UBP1: variants seen among roughly 807,000 people sequenced by gnomAD.
UBP1 encodes upstream binding protein 1.
In UBP1, 22 loss-of-function variants were observed where a neutral mutation model predicts 76.1. That is an observed-to-expected ratio of 0.29 (90% CI 0.21 to 0.41). The LOEUF (loss-of-function observed/expected upper bound fraction) is 0.41, where lower values mean the gene tolerates loss of function less well. Ranked by LOEUF, UBP1 falls within the 10% of genes least tolerant of loss-of-function variation. UBP1 has a pLI of 1.00. For synonymous variants in UBP1, 224 were observed against 237.1 expected, an observed-to-expected ratio of 0.94 and a Z score of 0.51; for missense variants, 436 against 668.1, an observed-to-expected ratio of 0.65 and a Z score of 3.83.
In UBP1 at chr3:33,400,178, C is replaced by A. The variant is rs765382594; in HGVS notation, c.1180+11G>T. The A allele has an allele frequency of 6.5e-7, 1 of 1,549,084 alleles. No individual in the cohort carries two copies. Among genetic ancestry groups the A allele is most frequent in the Non-Finnish European group, 8.7e-7 (1 of 1,144,268 alleles). On this transcript the variant is annotated intron_variant, in intron 11 of 15. Transcript: ENST00000283629. ...ATTCTCATGCACAGATACACACACA[C>A]ATACACATACCTGAAAAATTAGAGA...
At chr3:33,396,703 A>C in intron 12 of UBP1, 1 of 497,216 alleles carries the variant, frequency 2.0e-6, no homozygotes, top group Non-Finnish European at 3.9e-6. Flanking sequence ...ACTGTTTAGT[A>C]ATAGTCATGA....
At chr3:33,392,821 G>A (rs1372973816) in intron 14 of UBP1, 1 of 483,152 alleles carries the variant, frequency 2.1e-6, no homozygotes, top group African/African-American at 2.0e-5. Context: ...GTCCCTGAGA[G>A]ACCTGGTCAG....
At chr3:33,419,224 G>A (rs149241137) in intron 2 of UBP1, among the ~76,000 whole-genome samples, 2 of 152,248 alleles carry the variant, frequency 1.3e-5, no homozygotes, top group African/African-American at 4.8e-5. Context: ...GCCAAGTGGA[G>A]TGGCTCACAC....
At chr3:33,402,764 A>T in intron 9 of UBP1, 37 bp downstream of exon 9, 1 of 1,408,300 alleles carries the variant, frequency 7.1e-7, no homozygotes, top group Non-Finnish European at 9.5e-7. Flanking sequence ...CATGAGCATT[A>T]GTTAGCTGCA....
intron 3 of UBP1, 99 bp downstream of exon 3, chr3:33,416,659 G>A (rs1368361125): frequency 2.0e-5 from 18 of 914,722 alleles, no homozygotes; most frequent in Non-Finnish European, 3.3e-6. Context: ...TTAAAAAGTT[G>A]TAATACAACA....
intron 2 of UBP1, among the ~76,000 whole-genome samples, chr3:33,418,011 T>TAAAAAACA: frequency 6.6e-6 from 1 of 152,276 alleles, no homozygotes; most frequent in Middle Eastern, 3.4e-3. Context: ...AAAAAACACC[T>TAAAAAACA]GTATGGGAAG....
At chr3:33,432,746 A>G (rs1032626478) in intron 1 of UBP1, among the ~76,000 whole-genome samples, 15 of 152,366 alleles carry the variant, frequency 9.8e-5, no homozygotes, top group Middle Eastern at 3.4e-3. Flanking sequence ...ACTAAATGCA[A>G]TACAGAATCC....
At chr3:33,416,957 G>C in intron 2 of UBP1, 123 bp from the exon 3 acceptor site, 1 of 791,922 alleles carries the variant, frequency 1.3e-6, no homozygotes, top group Non-Finnish European at 2.0e-6. Flanking sequence ...AATTTGCTAC[G>C]GAAGCAAATT....
intron 1 of UBP1, among the ~76,000 whole-genome samples, chr3:33,429,899 A>G (rs2045084877): frequency 6.6e-6 from 1 of 152,190 alleles, no homozygotes; most frequent in Non-Finnish European, 1.5e-5. Context: ...ATGTGAATGT[A>G]CTGATTTTCA....
chr3:33,417,000 C>G (rs1456380392), intron 2 of UBP1, among the ~76,000 whole-genome samples, 166 bp from the exon 3 acceptor site: 1 of 152,208 alleles, frequency 6.6e-6, no homozygotes, highest in Non-Finnish European at 1.5e-5. Flanking sequence ...GAAAATCACA[C>G]CAACCTTCTG....
At chr3:33,402,443 G>A (rs2044263775) in intron 9 of UBP1, among the ~76,000 whole-genome samples, 1 of 152,158 alleles carries the variant, frequency 6.6e-6, no homozygotes, top group African/African-American at 2.4e-5. Context: ...AAGCATTACA[G>A]ACAAGTGAAT....
At chr3:33,422,178 G>A (rs1281221716) in intron 2 of UBP1, among the ~76,000 whole-genome samples, 1 of 152,194 alleles carries the variant, frequency 6.6e-6, no homozygotes, top group Non-Finnish European at 1.5e-5. Flanking sequence ...TAGACAAAGA[G>A]GTAGGGTGAA....
Position 33,390,027 on chromosome 3 carries a change from G to T in UBP1, c.*304C>A. 1 of 352,766 alleles carries T rather than the reference G, an allele frequency of 2.8e-6. No individual in the cohort carries two copies. Among genetic ancestry groups the T allele is most frequent in the Non-Finnish European group, 5.2e-6 (1 of 193,768 alleles). 21.9% of individuals were successfully genotyped at this position (352,766 alleles called of 1,614,324 possible). ...GCATACAGTGTAAAAAGACAGCAAAGGCTGCTTCTAGGAACTGTATTTACT... is the reference window on the plus strand; with the variant it reads ...GCATACAGTGTAAAAAGACAGCAAATGCTGCTTCTAGGAACTGTATTTACT... On this transcript the variant is annotated 3_prime_UTR_variant, in exon 16 of 16. Coordinates refer to ENST00000283629, the MANE Select transcript of UBP1 (RefSeq NM_014517.5).
In UBP1 at chr3:33,418,930, T is replaced by C. The variant is rs547445055; in HGVS notation, c.266-2096A>G. 7.9e-5 allele frequency among the ~76,000 whole-genome samples: 11 copies of C among 140,096 alleles called. No homozygotes were observed. The South Asian group carries it at 9.0e-4, about 11-fold the overall frequency. The allele number at this position is 140,096 out of a possible 152,430, so 91.9% of individuals were successfully genotyped here. ...TCCCTAGAAGAAAAAAATGAGCAAA[T>C]GAAATGGACATGTGGGTTCACAAAA... On this transcript the variant is annotated intron_variant, in intron 2 of 15. Transcript: ENST00000283629.
intron 1 of UBP1, among the ~76,000 whole-genome samples, chr3:33,434,869 T>A (rs191388403): frequency 5.5e-4 from 84 of 151,680 alleles, no homozygotes; most frequent in Non-Finnish European, 1.0e-3. Flanking sequence ...GTATTTTTAG[T>A]AGAGACGGGG....
chr3:33,396,894 A>C, intron 12 of UBP1, 151 bp downstream of exon 12: 1 of 757,060 alleles, frequency 1.3e-6, no homozygotes, highest in Non-Finnish European at 2.3e-6. Flanking sequence ...GGTGTACACA[A>C]AACAGTCTTC....
At chr3:33,414,052 A>G (rs1191815853) in intron 3 of UBP1, 1 of 152,204 alleles carries the variant, frequency 6.6e-6, no homozygotes, top group Non-Finnish European at 1.5e-5. Context: ...ATTAGACTTC[A>G]GAGCTTTACT....
chr3:33,396,957 A>C, intron 12 of UBP1, 88 bp downstream of exon 12: 1 of 1,212,082 alleles, frequency 8.3e-7, no homozygotes, highest in East Asian at 2.4e-5. Flanking sequence ...ACACACGCCA[A>C]CCTAGCGTGG....
At chr3:33,407,697 CTTGT>C (rs1238897142) in intron 8 of UBP1, among the ~76,000 whole-genome samples, 4 of 152,098 alleles carry the variant, frequency 2.6e-5, no homozygotes, top group Non-Finnish European at 5.9e-5. Flanking sequence ...TGTGATAGTG[CTTGT>C]GACAGTAACA....
Sources: allele counts gnomAD v4.1 joint callset (sites outside exome capture counted in the v4.1 genomes callset), GRCh38; gene constraint gnomAD v4.1.1; transcripts MANE v1.5; gene names NCBI Gene and HGNC (gene_info 2026-07-23, HGNC 2026-07-21).